The following RFX3 variants were observed in gnomAD, a reference collection of about 807,000 sequenced individuals.
The protein encoded by RFX3 is regulatory factor X3.
Under a neutral mutation model 98.6 loss-of-function variants are expected in RFX3, and 14 were observed. The observed-to-expected ratio is 0.14, with a 90% CI of 0.09 to 0.22. RFX3 has a LOEUF of 0.22. Among genes scored for constraint, RFX3 ranks in the 10% least tolerant of loss-of-function variants. The pLI, the probability that RFX3 is intolerant of heterozygous loss-of-function variation, is 1.00. For missense variants in RFX3, 639 were observed against 926.9 expected (o/e 0.69, Z 4.03); for synonymous variants, 383 against 328.4 (o/e 1.17, Z -1.80).
At chr9:3,262,568 G>A (rs899613130) in intron 13 of RFX3, among the ~76,000 whole-genome samples, 7 of 152,192 alleles carry the variant, frequency 4.6e-5, no homozygotes, top group African/African-American at 1.7e-4. Context: ...TGTAAGGTGG[G>A]GAAAGTGAAG....
At chr9:3,360,553 G>A (rs978718826) in intron 2 of RFX3, among the ~76,000 whole-genome samples, 1 of 151,950 alleles carries the variant, frequency 6.6e-6, no homozygotes, top group African/African-American at 2.4e-5. Context: ...ATATATGCAT[G>A]ATGTATTTAC....
chr9:3,358,234 T>C (rs1192789547), intron 2 of RFX3, among the ~76,000 whole-genome samples: 2 of 152,158 alleles, frequency 1.3e-5, no homozygotes, highest in Admixed American at 1.3e-4. Flanking sequence ...TTTAGGTCTG[T>C]ATGACAATTA....
At chr9:3,296,578 A>T (rs1828020922) in intron 5 of RFX3, among the ~76,000 whole-genome samples, 1 of 152,048 alleles carries the variant, frequency 6.6e-6, no homozygotes, top group African/African-American at 2.4e-5. Flanking sequence ...TATATAAATC[A>T]CTAGTTAGTT....
At chr9:3,333,923 T>C (rs1042044465) in intron 3 of RFX3, among the ~76,000 whole-genome samples, 7 of 152,162 alleles carry the variant, frequency 4.6e-5, no homozygotes. Flanking sequence ...CATTAGCTCA[T>C]TAAATTTTCA....
At chr9:3,397,764 G>T (rs923602310) in intron 1 of RFX3, among the ~76,000 whole-genome samples, 5 of 152,108 alleles carry the variant, frequency 3.3e-5, no homozygotes, top group African/African-American at 1.2e-4. Flanking sequence ...ACATGCAAAA[G>T]GTATAGCAGT....
chr9:3,519,100 C>T (rs540008074), intron 1 of RFX3, among the ~76,000 whole-genome samples: 3 of 152,066 alleles, frequency 2.0e-5, no homozygotes, highest in African/African-American at 7.2e-5. Context: ...ATAAGTGGGA[C>T]AATGAACTGG....
At chr9:3,411,155 T>A (rs1356676671) in intron 1 of RFX3, among the ~76,000 whole-genome samples, 1 of 152,180 alleles carries the variant, frequency 6.6e-6, no homozygotes, top group Non-Finnish European at 1.5e-5. Context: ...AGGACGGTGT[T>A]TTCTAAATAA....
At chr9:3,372,611 G>C (rs969292705) in intron 2 of RFX3, among the ~76,000 whole-genome samples, 1 of 147,424 alleles carries the variant, frequency 6.8e-6, no homozygotes. Context: ...GCGGTGGTGT[G>C]ATCTTGGCTC....
intron 3 of RFX3, among the ~76,000 whole-genome samples, chr9:3,331,630 C>T (rs567904355): frequency 3.3e-5 from 5 of 152,136 alleles, no homozygotes; most frequent in East Asian, 1.9e-4. Flanking sequence ...CTATGGCTCT[C>T]CTTTTCCACT....
At chr9:3,239,692 T>C (rs1819655115) in intron 15 of RFX3, among the ~76,000 whole-genome samples, 1 of 152,202 alleles carries the variant, frequency 6.6e-6, no homozygotes, top group African/African-American at 2.4e-5. Flanking sequence ...AACACCACCA[T>C]TAAGGCCAAA....
chr9:3,419,313 A>G (rs1359313314), intron 1 of RFX3, among the ~76,000 whole-genome samples: 1 of 152,254 alleles, frequency 6.6e-6, no homozygotes, highest in Non-Finnish European at 1.5e-5. Flanking sequence ...TCTTCCAAGT[A>G]TCAAAAGGAC....
intron 1 of RFX3, among the ~76,000 whole-genome samples, chr9:3,496,785 T>C (rs941478982): frequency 6.6e-6 from 1 of 151,938 alleles, no homozygotes; most frequent in Non-Finnish European, 1.5e-5. Context: ...CCCACATTTT[T>C]CCCTAACAAT....
intron 2 of RFX3, among the ~76,000 whole-genome samples, chr9:3,386,790 A>G (rs558896728): frequency 6.6e-6 from 1 of 152,332 alleles, no homozygotes; most frequent in East Asian, 1.9e-4. Flanking sequence ...TGAACATACA[A>G]AAAGGAAATG....
chr9:3,389,506 C>G (rs772773447), intron 2 of RFX3, among the ~76,000 whole-genome samples: 1 of 151,948 alleles, frequency 6.6e-6, no homozygotes, highest in South Asian at 2.1e-4. Context: ...AAATAAGACT[C>G]TATGATGTTT....
intron 1 of RFX3, among the ~76,000 whole-genome samples, chr9:3,471,982 C>G (rs1160195679): frequency 6.6e-6 from 1 of 152,198 alleles, no homozygotes; most frequent in Non-Finnish European, 1.5e-5. Flanking sequence ...TTATGATAAA[C>G]AGCACTGGCT....
At chr9:3,314,558 G>A (rs1222572421) in intron 4 of RFX3, among the ~76,000 whole-genome samples, 2 of 152,244 alleles carry the variant, frequency 1.3e-5, no homozygotes, top group African/African-American at 4.8e-5. Flanking sequence ...AAATGCCCCA[G>A]TTAAAAGACA....
At chr9:3,320,296 T>C (rs1831112437) in intron 4 of RFX3, among the ~76,000 whole-genome samples, 1 of 152,200 alleles carries the variant, frequency 6.6e-6, no homozygotes, top group Non-Finnish European at 1.5e-5. Context: ...CTCACGCCTG[T>C]AGTCCCAGCA....
Position 3,376,676 on chromosome 9 carries a change from A to G in RFX3, c.117+18796T>C, listed in dbSNP as rs187463099. 1.4e-3 allele frequency among the ~76,000 whole-genome samples: 210 copies of G among 152,208 alleles called. 4 individuals are homozygous for G. The highest frequency in any genetic ancestry group is 0.013 in the Admixed American group (195 of 15,296). On this transcript the variant is annotated intron_variant, in intron 2 of 16. Coordinates refer to ENST00000617270, the MANE Select transcript of RFX3 (RefSeq NM_001282116.2). ...CACGCAACCTACAGAATGGGAGAAA[A>G]TTTTTGCAATCTACTCATCTGACAA...
At chr9:3,360,522 A>C (rs1159034719) in intron 2 of RFX3, among the ~76,000 whole-genome samples, 2 of 152,112 alleles carry the variant, frequency 1.3e-5, no homozygotes, top group African/African-American at 4.8e-5. Context: ...GAAGGGAAAA[A>C]AAATTATCCC....
Sources: allele counts gnomAD v4.1 joint callset (sites outside exome capture counted in the v4.1 genomes callset), GRCh38; gene constraint gnomAD v4.1.1; transcripts MANE v1.5; gene names NCBI Gene and HGNC (gene_info 2026-07-23, HGNC 2026-07-21).